OR7E24: variants seen among roughly 807,000 people sequenced by gnomAD.
OR7E24 encodes the protein olfactory receptor 7E24.
For synonymous variants in OR7E24, 130 were observed against 157.5 expected (o/e 0.83, Z 1.31); for missense variants, 385 against 410.3 (o/e 0.94, Z 0.53).
chr19:9,251,141 T>C lies in OR7E24; in HGVS notation c.98T>C (p.Leu33Pro). 6.2e-7 allele frequency: 1 copy of C among 1,613,344 alleles called. No homozygotes were observed. The highest frequency in any genetic ancestry group is 8.5e-7 in the Non-Finnish European group (1 of 1,179,306). Residue 33 changes from leucine to proline, a missense_variant, in exon 1 of 1, where the codon CTG becomes CCG. Physicochemically the swap from Leu to Pro is moderately conservative, Grantham distance 98. Coordinates refer to ENST00000456448, the MANE Select transcript of OR7E24 (RefSeq NM_001079935.2). The stretch of plus-strand genomic sequence containing the variant: ...ACAGGTGTCTCAGAATTCCTCCTCC[T>C]GGGACTCTCAGAGGATCCAGAACTG... ...NLTGVSEFLL[L>P]GLSEDPELQP...
chr19:9,233,080 T>A, the OR7E24 span, among the ~76,000 whole-genome samples: 1 of 152,244 alleles, frequency 6.6e-6, no homozygotes, highest in Middle Eastern at 3.4e-3. Context: ...ACCAGGCATT[T>A]CATCCTCCCA....
Position 9,251,719 on chromosome 19 carries a change from T to C in OR7E24, c.676T>C (p.Cys226Arg). 6.2e-7 allele frequency: 1 copy of C among 1,613,500 alleles called. No individual in the cohort carries two copies. Among genetic ancestry groups the C allele is most frequent in the Non-Finnish European group, 8.5e-7 (1 of 1,179,670 alleles). Reference sequence around the variant, plus strand: ...ATATTTCATGGGTGCCATATTTGGCTGTCTCCCTATCTCAGGGATCCTTTT... The same window carrying C: ...ATATTTCATGGGTGCCATATTTGGCCGTCTCCCTATCTCAGGGATCCTTTT... The part of the protein sequence containing the change: ...VIYFMGAIFG[C>R]LPISGILFSY... Residue 226 changes from cysteine to arginine, a missense_variant, in exon 1 of 1, where the codon TGT (cysteine) becomes CGT (arginine). Transcript: ENST00000456448.
At chr19:9,218,792 C>T in the OR7E24 span, among the ~76,000 whole-genome samples, 1 of 151,992 alleles carries the variant, frequency 6.6e-6, no homozygotes, top group East Asian at 1.9e-4. Flanking sequence ...AGGTGTCAGG[C>T]TTTCTTTTTT....
the OR7E24 span, among the ~76,000 whole-genome samples, chr19:9,226,987 C>T: frequency 6.6e-6 from 1 of 152,096 alleles, no homozygotes; most frequent in Admixed American, 6.5e-5. Flanking sequence ...ATTATTTGAT[C>T]ACCTGGCTAT....
At chr19:9,229,598 G>A in the OR7E24 span, among the ~76,000 whole-genome samples, 1 of 151,976 alleles carries the variant, frequency 6.6e-6, no homozygotes, top group Non-Finnish European at 1.5e-5. Flanking sequence ...AATACCTTGT[G>A]ACTTTTAAAT....
chr19:9,222,068 A>G, the OR7E24 span, among the ~76,000 whole-genome samples: 2 of 152,234 alleles, frequency 1.3e-5, no homozygotes, highest in African/African-American at 4.8e-5. Flanking sequence ...CATTTATTAA[A>G]GAGACTGTCC....
the OR7E24 span, among the ~76,000 whole-genome samples, chr19:9,225,351 C>T: frequency 0.031 from 4,264 of 136,838 alleles, 208 homozygotes; most frequent in African/African-American, 0.11. Context: ...GCCTGGGCAA[C>T]AAGAGCGAAA....
upstream of OR7E24, among the ~76,000 whole-genome samples, chr19:9,244,156 C>T (rs770091131): frequency 6.6e-6 from 1 of 152,214 alleles, no homozygotes; most frequent in African/African-American, 2.4e-5. Flanking sequence ...TTTGAAAAAC[C>T]TTGGGAATCC....
At chr19:9,239,926 CT>C in the OR7E24 span, among the ~76,000 whole-genome samples, 3 of 151,882 alleles carry the variant, frequency 2.0e-5, no homozygotes, top group African/African-American at 7.3e-5. Context: ...TCAGGCTGGT[CT>C]CGAACTGACC....
chr19:9,214,275 G>A, the OR7E24 span: 125 of 1,614,004 alleles, frequency 7.7e-5, no homozygotes, highest in Non-Finnish European at 1.0e-4. Context: ...GTTAGAGCAG[G>A]CCACCTTGAG....
chr19:9,216,618 G>A, the OR7E24 span, among the ~76,000 whole-genome samples: 2 of 151,890 alleles, frequency 1.3e-5, no homozygotes, highest in Non-Finnish European at 2.9e-5. Flanking sequence ...TTGAGACAGA[G>A]TCTCACTCTG....
chr19:9,235,804 A>G, the OR7E24 span: 1 of 1,610,978 alleles, frequency 6.2e-7, no homozygotes, highest in Non-Finnish European at 8.5e-7. Context: ...CTACTCTCAG[A>G]TTGTCTCCTC....
the OR7E24 span, chr19:9,235,528 C>G: frequency 2.6e-6 from 4 of 1,545,188 alleles, no homozygotes; most frequent in Non-Finnish European, 2.7e-6. Context: ...CATCTGCCAC[C>G]CACTGCAGTA....
At chr19:9,247,727 T>C (rs34907622), upstream of OR7E24, among the ~76,000 whole-genome samples, 33,554 of 152,148 alleles carry the variant, frequency 0.22, 6,461 homozygotes, top group African/African-American at 0.52. Flanking sequence ...ATTTCCATAC[T>C]CCCTTACAAG....
At chr19:9,237,433 C>G in the OR7E24 span, among the ~76,000 whole-genome samples, 7 of 152,248 alleles carry the variant, frequency 4.6e-5, no homozygotes, top group Admixed American at 2.0e-4. Flanking sequence ...GCCTCAGCCT[C>G]CTGAGTAGCT....
At chr19:9,222,387 G>A in the OR7E24 span, among the ~76,000 whole-genome samples, 1 of 152,138 alleles carries the variant, frequency 6.6e-6, no homozygotes, top group African/African-American at 2.4e-5. Flanking sequence ...AGATTGCTTT[G>A]GATAGTATGG....
chr19:9,217,987 G>A, the OR7E24 span, among the ~76,000 whole-genome samples: 48 of 152,272 alleles, frequency 3.2e-4, no homozygotes, highest in African/African-American at 9.6e-4. Context: ...GAATGAAAGC[G>A]GGATATGTAT....
At chr19:9,235,444 G>C in the OR7E24 span, 1 of 1,607,212 alleles carries the variant, frequency 6.2e-7, no homozygotes, top group Non-Finnish European at 8.5e-7. Flanking sequence ...CCTCACTCAG[G>C]TGTATTTTTA....
the OR7E24 span, chr19:9,211,978 G>A: frequency 6.6e-6 from 1 of 152,100 alleles, no homozygotes; most frequent in Non-Finnish European, 1.5e-5. Context: ...TTAATGAGAA[G>A]AGGAAGCCCT....
Sources: allele counts gnomAD v4.1 joint callset (sites outside exome capture counted in the v4.1 genomes callset), GRCh38; gene constraint gnomAD v4.1.1; transcripts MANE v1.5; gene names NCBI Gene and HGNC (gene_info 2026-07-23, HGNC 2026-07-21).